Variants in BUD31 observed in about 807,000 individuals in gnomAD.
BUD31 encodes the protein BUD31 spliceosome associated protein.
In BUD31, 9 loss-of-function variants were observed where a neutral mutation model predicts 17.9. The ratio of observed to expected loss-of-function variants is 0.50; its 90% CI spans 0.30 to 0.88. BUD31 has a LOEUF of 0.88. Ranked by LOEUF, BUD31 falls within the 40% of genes least tolerant of loss-of-function variation. The pLI, the probability that BUD31 is intolerant of heterozygous loss-of-function variation, is 0.06. For synonymous variants in BUD31, 70 were observed against 64.7 expected (o/e 1.08, Z -0.39); for missense variants, 148 against 184.5 (o/e 0.80, Z 1.15).
intron 5 of BUD31, 148 bp from the exon 6 acceptor site, chr7:99,419,243 C>T: frequency 2.2e-6 from 2 of 916,036 alleles, no homozygotes; most frequent in South Asian, 1.6e-5. Flanking sequence ...CCAAATTTTC[C>T]CTGTCCAGAG....
chr7:99,417,623 TG>T, intron 5 of BUD31, 28 bp downstream of exon 5: 1 of 1,607,186 alleles, frequency 6.2e-7, no homozygotes, highest in East Asian at 2.2e-5. Context: ...AGCTTGGTGT[TG>T]TTTTCAGCTC....
rs577666973 is a variant in BUD31, at chr7:99,417,724, C to T, written c.384+129C>T. 9 of 1,538,222 alleles carry T rather than the reference C, an allele frequency of 5.9e-6. No individual in the cohort carries two copies. In the East Asian group the frequency reaches 2.2e-4, roughly 37 times the overall value. On this transcript the variant is annotated intron_variant, in intron 5 of 5. Coordinates refer to ENST00000222969, the MANE Select transcript of BUD31 (RefSeq NM_003910.4). ...GTCCCTGGATGTCCTGCTGGCTCTC[C>T]CTCGTGGGAGTGGGTCCCTGTATTC...
At chr7:99,410,694 C>T (rs1346502974) in intron 2 of BUD31, among the ~76,000 whole-genome samples, 1 of 152,226 alleles carries the variant, frequency 6.6e-6, no homozygotes. Flanking sequence ...GTGTTCCCAA[C>T]ATCCAGTATA....
Position 99,417,449 on chromosome 7 carries a change from AAAG to A in BUD31, c.242_244del (p.Glu81del). On this transcript the variant is annotated inframe_deletion, in exon 5 of 6. Transcript: ENST00000222969. ...GACAGAACTCTATGAATATTGTATT[AAAG>A]AAGGCTATGCAGACAAAAACCTGAT... 1.2e-6 allele frequency: 2 copies of A among 1,613,858 alleles called. No individual in the cohort carries two copies. The highest frequency in any genetic ancestry group is 1.7e-6 in the Non-Finnish European group (2 of 1,179,874).
chr7:99,412,615 C>CTT (rs1247022408), intron 3 of BUD31, among the ~76,000 whole-genome samples: 15 of 140,304 alleles, frequency 1.1e-4, no homozygotes, highest in Non-Finnish European at 2.2e-4. Context: ...TCTTTTTTTT[C>CTT]TTTTTTTTTT....
chr7:99,416,010 G>T (rs1348103182), intron 3 of BUD31, 128 bp from the exon 4 acceptor site: 2 of 1,346,194 alleles, frequency 1.5e-6, no homozygotes, highest in African/African-American at 2.9e-5. Context: ...CACCTGGGTG[G>T]CTTGCCACCC....
rs1795583407 is a variant in BUD31, at chr7:99,417,716, T to G, written c.384+121T>G. ...GTCGTTTTGTCCCTGGATGTCCTGCTGGCTCTCCCTCGTGGGAGTGGGTCC... is the reference window on the plus strand; with the variant it reads ...GTCGTTTTGTCCCTGGATGTCCTGCGGGCTCTCCCTCGTGGGAGTGGGTCC... On this transcript the variant is annotated intron_variant, in intron 5 of 5. Coordinates refer to ENST00000222969, the MANE Select transcript of BUD31 (RefSeq NM_003910.4). 3.2e-6 allele frequency: 5 copies of G among 1,541,376 alleles called. No homozygotes were observed. The Admixed American group carries it at 5.8e-5, about 18-fold the overall frequency.
chr7:99,411,391 TTTTTTG>T (rs941011621), intron 3 of BUD31: 31 of 519,150 alleles, frequency 6.0e-5, no homozygotes, highest in Non-Finnish European at 9.1e-5. Flanking sequence ...AAAGGTGTTT[TTTTTTG>T]TTTTTGTTTT....
intron 2 of BUD31, 65 bp from the exon 3 acceptor site, chr7:99,410,999 A>G: frequency 9.1e-7 from 1 of 1,099,754 alleles, no homozygotes; most frequent in South Asian, 1.4e-5. Flanking sequence ...CCTGTACCGA[A>G]ATAATGGCTG....
chr7:99,414,380 C>T (rs930332063), intron 3 of BUD31, among the ~76,000 whole-genome samples: 6 of 152,050 alleles, frequency 3.9e-5, no homozygotes, highest in African/African-American at 1.2e-4. Flanking sequence ...CCTCGTGGTC[C>T]GCCCACCTTG....
intron 3 of BUD31, 26 bp from the exon 4 acceptor site, chr7:99,416,112 C>G (rs774467466): frequency 1.9e-6 from 3 of 1,611,812 alleles, no homozygotes; most frequent in Non-Finnish European, 1.7e-6. Flanking sequence ...CCTATTCCCC[C>G]AAACACACTC....
Position 99,419,537 on chromosome 7 carries a change from GTT to G in BUD31, c.*97_*98del. On this transcript the variant is annotated 3_prime_UTR_variant, in exon 6 of 6. Coordinates refer to ENST00000222969, the MANE Select transcript of BUD31 (RefSeq NM_003910.4). ...GCAGCGAGCAGTGCCCCAGGCCCGA[GTT>G]GGAGCACGGTCTCTATGGGGAAGGC... 1 of 1,409,388 alleles carries G rather than the reference GTT, an allele frequency of 7.1e-7. No homozygotes were observed. Among genetic ancestry groups the G allele is most frequent in the African/African-American group, 1.4e-5 (1 of 70,780 alleles). The allele number at this position is 1,409,388 out of a possible 1,614,324, so 87.3% of individuals were successfully genotyped here.
intron 3 of BUD31, among the ~76,000 whole-genome samples, chr7:99,414,619 G>A (rs759515913): frequency 4.8e-4 from 73 of 150,750 alleles, no homozygotes; most frequent in Admixed American, 8.6e-4. Context: ...TTTTTGAGAC[G>A]GGAGTCTTGC....
rs1795707391 is a variant in BUD31, at chr7:99,419,610, C to G, written c.*169C>G. 3 of 852,998 alleles carry G rather than the reference C, an allele frequency of 3.5e-6. No individual in the cohort carries two copies. Among genetic ancestry groups the G allele is most frequent in the Non-Finnish European group, 5.4e-6 (3 of 559,758 alleles). The allele number at this position is 852,998 out of a possible 1,614,324, so 52.8% of individuals were successfully genotyped here. ...ATTTGTAAAAATAAAATCTTTAAAT[C>G]TCTCGAGCCCCACGTCTCTTCTTTC... On this transcript the variant is annotated 3_prime_UTR_variant, in exon 6 of 6. Coordinates refer to ENST00000222969, the MANE Select transcript of BUD31 (RefSeq NM_003910.4).
rs114724849 is a variant in BUD31, at chr7:99,409,506, G to A, written c.-166+261G>A. Among the ~76,000 whole-genome samples, 627 of 151,930 alleles carry A rather than the reference G, an allele frequency of 4.1e-3. 2 individuals carry two copies. Among genetic ancestry groups the A allele is most frequent in the African/African-American group, 0.014 (600 of 41,412 alleles). The stretch of plus-strand genomic sequence containing the variant: ...CTCTTCTGACTTCCAGGCTGGATCA[G>A]GGCCCTCGAATTTCCCTGGGTCGTA... On this transcript the variant is annotated intron_variant, in intron 1 of 5. Transcript: ENST00000222969.
rs998426687 is a variant in BUD31, at chr7:99,410,172, A to C, written c.-30+3A>C. The C allele has an allele frequency of 1.3e-5, 2 of 152,090 alleles. No homozygotes were observed. The highest frequency in any genetic ancestry group is 4.8e-5 in the African/African-American group (2 of 41,402). 9.4% of individuals were successfully genotyped at this position (152,090 alleles called of 1,614,324 possible). On this transcript the variant is annotated splice_donor_region_variant and intron_variant, in intron 2 of 5. Transcript: ENST00000222969. ...ACTCTTGGAAAGCACATCCTAAGGT[A>C]CTTTGATTTTACAGTCATCTTTCCC...
chr7:99,415,609 T>A (rs1363229568), intron 3 of BUD31, among the ~76,000 whole-genome samples: 1 of 152,108 alleles, frequency 6.6e-6, no homozygotes, highest in Non-Finnish European at 1.5e-5. Flanking sequence ...TTTCCCGGTC[T>A]GCTAAGTAGC....
chr7:99,417,444 G>A lies in BUD31; in HGVS notation c.233G>A (p.Cys78Tyr), dbSNP rs773936765. 3 of 1,613,810 alleles carry A rather than the reference G, an allele frequency of 1.9e-6. No homozygotes were observed. The Admixed American group carries it at 5.0e-5, about 27-fold the overall frequency. Residue 78 changes from cysteine (C) to tyrosine (Y), a missense_variant, in exon 5 of 6, where the codon TGT becomes TAT. By Grantham distance (194) the Cys-to-Tyr change is radical. Coordinates refer to ENST00000222969, the MANE Select transcript of BUD31 (RefSeq NM_003910.4). ...TTTTTGACAGAACTCTATGAATATT[G>A]TATTAAAGAAGGCTATGCAGACAAA... ...KAISRELYEY[C>Y]IKEGYADKNL...
chr7:99,413,532 G>A (rs1390063541), intron 3 of BUD31, among the ~76,000 whole-genome samples: 1 of 152,152 alleles, frequency 6.6e-6, no homozygotes, highest in Non-Finnish European at 1.5e-5. Flanking sequence ...TAATTATTAC[G>A]CTGTAGAAAT....
Sources: gnomAD v4.1 joint callset for allele counts (sites outside exome capture counted in the v4.1 genomes callset) on GRCh38, gnomAD v4.1.1 for gene constraint, MANE v1.5 for transcripts, NCBI Gene and HGNC (gene_info 2026-07-23, HGNC 2026-07-21) for gene names.